The following SRPK2 variants were observed in gnomAD, a reference collection of about 807,000 sequenced individuals.
SRPK2 encodes the protein SRSF protein kinase 2, also known as SFRS protein kinase 2.
SRPK2 carries 21 observed loss-of-function variants against 90.8 expected under a neutral mutation model. The observed-to-expected ratio is 0.23, with a 90% CI of 0.16 to 0.33. SRPK2 has a LOEUF of 0.33. Among genes scored for constraint, SRPK2 ranks in the 10% least tolerant of loss-of-function variants. The pLI, the probability that SRPK2 is intolerant of heterozygous loss-of-function variation, is 1.00. For synonymous variants in SRPK2, 288 were observed against 311.1 expected, an observed-to-expected ratio of 0.93 and a Z score of 0.78; for missense variants, 620 against 869.0, an observed-to-expected ratio of 0.71 and a Z score of 3.60.
chr7:105,372,891 C>T (rs1415866044), intron 2 of SRPK2, among the ~76,000 whole-genome samples: 1 of 152,088 alleles, frequency 6.6e-6, no homozygotes, highest in Non-Finnish European at 1.5e-5. Flanking sequence ...GAGTTCGAGA[C>T]CAGCCTGGCA....
Position 105,239,779 on chromosome 7 carries a change from A to T in SRPK2, c.72-35994T>A, listed in dbSNP as rs544779315. Among the ~76,000 whole-genome samples, 178 of 152,356 alleles carry T rather than the reference A, an allele frequency of 1.2e-3. 1 individual carries two copies. The highest frequency in any genetic ancestry group is 3.6e-3 in the Admixed American group (55 of 15,308). On this transcript the variant is annotated intron_variant, in intron 2 of 15. Transcript: ENST00000393651. ...CAAATACAGTGATACATGGTTGATA[A>T]GAATAAGAAAGCCAATTCTCTGAGC...
chr7:105,232,804 A>C (rs1222786313), intron 2 of SRPK2, among the ~76,000 whole-genome samples: 1 of 151,958 alleles, frequency 6.6e-6, no homozygotes, highest in Non-Finnish European at 1.5e-5. Context: ...TACGAGGTCA[A>C]GAGATCGAGA....
chr7:105,242,935 G>A (rs1043976069), intron 2 of SRPK2, among the ~76,000 whole-genome samples: 2 of 152,196 alleles, frequency 1.3e-5, no homozygotes, highest in African/African-American at 4.8e-5. Flanking sequence ...ATCTACTTCT[G>A]TATTTTATTA....
At chr7:105,335,675 C>T (rs1003299697) in intron 2 of SRPK2, among the ~76,000 whole-genome samples, 1 of 146,642 alleles carries the variant, frequency 6.8e-6, no homozygotes, top group African/African-American at 2.5e-5. Flanking sequence ...AAAAAGCAGC[C>T]GGGCGCAGTG....
chr7:105,261,390 G>A (rs1015383430), intron 2 of SRPK2, among the ~76,000 whole-genome samples: 3 of 152,018 alleles, frequency 2.0e-5, no homozygotes, highest in Admixed American at 1.3e-4. Context: ...GCATTGTGGC[G>A]GGCGCCTGTA....
At chr7:105,291,015 G>A (rs1003372323) in intron 2 of SRPK2, among the ~76,000 whole-genome samples, 14 of 140,338 alleles carry the variant, frequency 1.0e-4, no homozygotes, top group Non-Finnish European at 1.5e-4. Context: ...TCCGCAGTCC[G>A]GCCTGGGCGA....
Position 105,143,293 on chromosome 7 carries a change from T to C in SRPK2, c.851A>G (p.Lys284Arg), listed in dbSNP as rs749518051. 4.3e-6 allele frequency: 7 copies of C among 1,612,970 alleles called. No homozygotes were observed. Among genetic ancestry groups the C allele is most frequent in the African/African-American group, 1.3e-5 (1 of 74,726 alleles). Residue 284 changes from lysine to arginine, a missense_variant, in exon 10 of 16, where the codon AAA becomes AGA. By Grantham distance (26) the Lys-to-Arg change is conservative. Around this residue, in one of 8 missense-constraint regions of SRPK2, gnomAD observed 196 missense variants for 339.2 expected, o/e 0.58. Transcript: ENST00000393651. The stretch of plus-strand genomic sequence containing the variant: ...CTCAGCCTGCCTCTTCTGTTTCTTT[T>C]TCAGTTTTTTCTTTTTGTTTTTAGA... ...KISKNKKKKL[K>R]KKQKRQAELL...
intron 3 of SRPK2, among the ~76,000 whole-genome samples, chr7:105,194,492 A>C (rs1196341133): frequency 6.6e-6 from 1 of 152,194 alleles, no homozygotes; most frequent in Non-Finnish European, 1.5e-5. Flanking sequence ...CTAATAAATA[A>C]GCAAACAGCA....
At chr7:105,287,733 C>G (rs1808360416) in intron 2 of SRPK2, among the ~76,000 whole-genome samples, 1 of 152,028 alleles carries the variant, frequency 6.6e-6, no homozygotes, top group Non-Finnish European at 1.5e-5. Flanking sequence ...GAGACTCCAT[C>G]TCAAAAAATA....
intron 2 of SRPK2, among the ~76,000 whole-genome samples, chr7:105,340,738 A>G (rs1007965309): frequency 6.6e-6 from 1 of 152,098 alleles, no homozygotes; most frequent in African/African-American, 2.4e-5. Flanking sequence ...GCCACTGTAC[A>G]AGGCCACAGC....
At chr7:105,143,020 TGGCA>T in intron 10 of SRPK2, 60 bp downstream of exon 10, 1 of 1,561,262 alleles carries the variant, frequency 6.4e-7, no homozygotes, top group South Asian at 1.2e-5. Context: ...CATGTTGACC[TGGCA>T]GAACCCTACT....
chr7:105,244,821 C>A, intron 2 of SRPK2: 1 of 979,530 alleles, frequency 1.0e-6, no homozygotes, highest in Non-Finnish European at 1.7e-6. Context: ...AAGCAGCACG[C>A]CAAGGAGTTA....
At position 105,325,303 on chromosome 7, in the gene SRPK2, C is replaced by T. The variant is rs142376566; in HGVS notation, c.71+63345G>A. Reference sequence around the variant, plus strand: ...AAAACACATTTCTCTAGCTCTTTAACAAGGTGTCACAAGCGATTATTACAT... The same window carrying T: ...AAAACACATTTCTCTAGCTCTTTAATAAGGTGTCACAAGCGATTATTACAT... On this transcript the variant is annotated intron_variant, in intron 2 of 15. Coordinates refer to ENST00000393651, the MANE Select transcript of SRPK2 (RefSeq NM_182692.3). Among the ~76,000 whole-genome samples the T allele has an allele frequency of 3.3e-3, 498 of 152,126 alleles. 1 individual carries two copies. Among genetic ancestry groups the T allele is most frequent in the African/African-American group, 0.012 (482 of 41,512 alleles).
intron 2 of SRPK2, chr7:105,298,603 TG>T: frequency 2.1e-6 from 1 of 472,074 alleles, no homozygotes; most frequent in Non-Finnish European, 2.8e-6. Flanking sequence ...CACAGCAAGA[TG>T]GTATCTCTTA....
chr7:105,152,895 G>A lies in SRPK2; in HGVS notation c.622-6237C>T, dbSNP rs1805920466. 2.0e-5 allele frequency among the ~76,000 whole-genome samples: 3 copies of A among 152,244 alleles called. No individual in the cohort carries two copies. The South Asian group carries it at 6.2e-4, about 32-fold the overall frequency. On this transcript the variant is annotated intron_variant, in intron 7 of 15. Transcript: ENST00000393651. ...CTAAAAATACAAAAATTAGCTGGGTGTGGTGGTGCATGCCTGTAATCCCAG... is the reference window on the plus strand; with the variant it reads ...CTAAAAATACAAAAATTAGCTGGGTATGGTGGTGCATGCCTGTAATCCCAG...
chr7:105,368,830 A>T (rs1431898024), intron 2 of SRPK2, among the ~76,000 whole-genome samples: 1 of 145,768 alleles, frequency 6.9e-6, no homozygotes, highest in Non-Finnish European at 1.5e-5. Context: ...GGTAGGAGTG[A>T]GCTGAGATCG....
At chr7:105,379,360 A>C (rs976211568) in intron 2 of SRPK2, among the ~76,000 whole-genome samples, 1 of 152,168 alleles carries the variant, frequency 6.6e-6, no homozygotes, top group East Asian at 1.9e-4. Flanking sequence ...AATTTAAAAT[A>C]TACAGGAGGA....
intron 15 of SRPK2, among the ~76,000 whole-genome samples, chr7:105,119,436 AAG>A (rs1001822109): frequency 2.0e-5 from 3 of 152,188 alleles, no homozygotes; most frequent in African/African-American, 4.8e-5. Flanking sequence ...GTCTATTGTG[AAG>A]AGTGTTCTTA....
intron 2 of SRPK2, among the ~76,000 whole-genome samples, chr7:105,260,621 T>C (rs1804093620): frequency 6.6e-6 from 1 of 152,148 alleles, no homozygotes; most frequent in Non-Finnish European, 1.5e-5. Context: ...TAGCAAAGAC[T>C]TGGAACCAAC....
Sources: allele counts gnomAD v4.1 joint callset (sites outside exome capture counted in the v4.1 genomes callset), GRCh38; gene constraint gnomAD v4.1.1; regional missense constraint gnomAD v4.1.1; transcripts MANE v1.5; gene names NCBI Gene and HGNC (gene_info 2026-07-23, HGNC 2026-07-21).